Variants in WWOX observed in about 807,000 individuals in gnomAD.
WWOX encodes the protein WW domain containing oxidoreductase.
In WWOX, 69 loss-of-function variants were observed where a neutral mutation model predicts 46.2. That is an observed-to-expected ratio of 1.49 (90% CI 1.23 to 1.82). WWOX has a LOEUF of 1.82. Ranked by LOEUF, WWOX falls within the 40% of genes most tolerant of loss-of-function variation. The pLI is 0.00. For synonymous variants in WWOX, 359 were observed against 202.6 expected (o/e 1.77, Z -6.56); for missense variants, 919 against 542.6 (o/e 1.69, Z -6.89).
chr16:78,486,973 G>A (rs569148183), intron 8 of WWOX, among the ~76,000 whole-genome samples: 30 of 152,270 alleles, frequency 2.0e-4, no homozygotes, highest in Admixed American at 7.8e-4. Context: ...ACAATTTTCC[G>A]CTGGGGTGTG....
intron 8 of WWOX, among the ~76,000 whole-genome samples, chr16:78,702,890 G>A (rs1251959151): frequency 6.6e-6 from 1 of 152,136 alleles, no homozygotes; most frequent in Non-Finnish European, 1.5e-5. Flanking sequence ...CTGCAGGAGA[G>A]GGGGATTATA....
chr16:78,468,171 T>C (rs1381045823), intron 8 of WWOX, among the ~76,000 whole-genome samples: 1 of 152,160 alleles, frequency 6.6e-6, no homozygotes, highest in African/African-American at 2.4e-5. Context: ...GCTTTTACTA[T>C]TGTGTGGCTT....
intron 8 of WWOX, among the ~76,000 whole-genome samples, chr16:78,655,744 G>C (rs903208709): frequency 3.9e-5 from 6 of 152,242 alleles, no homozygotes; most frequent in South Asian, 2.1e-4. Flanking sequence ...AGAATTTTCT[G>C]ATATGTTCTT....
chr16:78,114,275 G>A (rs557323178), intron 3 of WWOX, among the ~76,000 whole-genome samples: 2 of 151,966 alleles, frequency 1.3e-5, no homozygotes, highest in African/African-American at 4.8e-5. Context: ...ATTTTGTTTA[G>A]TGTTTGTAGA....
At chr16:78,221,661 CT>C (rs1201238959) in intron 5 of WWOX, among the ~76,000 whole-genome samples, 20 of 152,262 alleles carry the variant, frequency 1.3e-4, no homozygotes, top group African/African-American at 4.8e-4. Flanking sequence ...ACCGAGGTTG[CT>C]AATTAATGAC....
chr16:78,660,666 T>G (rs2142170362), intron 8 of WWOX, among the ~76,000 whole-genome samples: 2 of 152,244 alleles, frequency 1.3e-5, no homozygotes, highest in African/African-American at 4.8e-5. Flanking sequence ...AGGATAAACG[T>G]TTCAGACCTT....
intron 5 of WWOX, among the ~76,000 whole-genome samples, chr16:78,344,702 G>T (rs1663720959): frequency 1.6e-5 from 2 of 121,846 alleles, no homozygotes; most frequent in South Asian, 2.5e-4. Context: ...CATTTGAAGG[G>T]AAGGAATTGA....
In WWOX at chr16:78,414,217, C is replaced by G. The variant is rs541201376; in HGVS notation, c.606-10653C>G. 2.6e-5 allele frequency among the ~76,000 whole-genome samples: 4 copies of G among 152,216 alleles called. No individual in the cohort carries two copies. The East Asian group carries it at 5.8e-4, about 22-fold the overall frequency. On this transcript the variant is annotated intron_variant, in intron 6 of 8. Coordinates refer to ENST00000566780, the MANE Select transcript of WWOX (RefSeq NM_016373.4). ...CAAATCCTGTAAAACTGCCCTACAC[C>G]TATTTCCCTTTGCTGACCCCTTTTT...
intron 5 of WWOX, among the ~76,000 whole-genome samples, chr16:78,201,472 A>T (rs2036227615): frequency 6.6e-6 from 1 of 152,212 alleles, no homozygotes; most frequent in Non-Finnish European, 1.5e-5. Flanking sequence ...GCAAAACCAA[A>T]TAAATGAGTA....
chr16:78,737,831 T>A lies in WWOX; in HGVS notation c.1056+305079T>A, dbSNP rs180815478. Among the ~76,000 whole-genome samples the A allele has an allele frequency of 2.2e-3, 342 of 152,186 alleles. 2 individuals carry two copies. Among genetic ancestry groups the A allele is most frequent in the African/African-American group, 7.8e-3 (323 of 41,538 alleles). On this transcript the variant is annotated intron_variant, in intron 8 of 8. Coordinates refer to ENST00000566780, the MANE Select transcript of WWOX (RefSeq NM_016373.4). ...GAAGAGAAGCCTGTAAACTCTGGAG[T>A]GTGTCCTGGGTGGTTTGTCCTTGGG...
At chr16:79,154,092 C>G (rs148649196) in intron 8 of WWOX, among the ~76,000 whole-genome samples, 28 of 152,286 alleles carry the variant, frequency 1.8e-4, no homozygotes, top group African/African-American at 6.3e-4. Context: ...GTGGATGCAT[C>G]ATGGATAGTC....
chr16:78,757,077 C>T, intron 8 of WWOX: 1 of 700,194 alleles, frequency 1.4e-6, no homozygotes, highest in Non-Finnish European at 2.6e-6. Context: ...GTGATTGCAG[C>T]CTTTGCTGCA....
At chr16:78,357,578 A>T (rs1351868592) in intron 5 of WWOX, among the ~76,000 whole-genome samples, 1 of 152,206 alleles carries the variant, frequency 6.6e-6, no homozygotes, top group Non-Finnish European at 1.5e-5. Context: ...GGTCTGGGAC[A>T]CATTTGTGGG....
At chr16:78,884,511 C>A (rs1280809789) in intron 8 of WWOX, among the ~76,000 whole-genome samples, 1 of 151,954 alleles carries the variant, frequency 6.6e-6, no homozygotes, top group East Asian at 1.9e-4. Context: ...TACTCACCAA[C>A]AAGAATGAAT....
intron 8 of WWOX, among the ~76,000 whole-genome samples, chr16:78,993,960 G>A (rs1304122734): frequency 6.6e-6 from 1 of 152,148 alleles, no homozygotes; most frequent in Non-Finnish European, 1.5e-5. Flanking sequence ...ATTGTTCCCT[G>A]GGCAAGCCAA....
intron 8 of WWOX, among the ~76,000 whole-genome samples, chr16:79,028,281 C>G (rs2047685606): frequency 1.3e-5 from 2 of 151,788 alleles, no homozygotes; most frequent in Admixed American, 6.6e-5. Flanking sequence ...TAATACCTGG[C>G]CCAGTGTCTG....
intron 5 of WWOX, among the ~76,000 whole-genome samples, chr16:78,196,146 A>C (rs920446746): frequency 6.6e-6 from 1 of 152,228 alleles, no homozygotes; most frequent in African/African-American, 2.4e-5. Flanking sequence ...TCTTGAAATA[A>C]TCTACCTTTA....
intron 8 of WWOX, among the ~76,000 whole-genome samples, chr16:78,945,338 A>C (rs923623260): frequency 6.6e-6 from 1 of 152,206 alleles, no homozygotes; most frequent in East Asian, 1.9e-4. Context: ...TTAAATGTAT[A>C]ATCTCAAACT....
intron 6 of WWOX, among the ~76,000 whole-genome samples, chr16:78,403,731 G>C (rs1033681121): frequency 1.3e-5 from 2 of 152,258 alleles, no homozygotes; most frequent in Non-Finnish European, 2.9e-5. Context: ...GGAAAGCATA[G>C]TCAAAGACAA....
Sources: gnomAD v4.1 joint callset for allele counts (sites outside exome capture counted in the v4.1 genomes callset) on GRCh38, gnomAD v4.1.1 for gene constraint, MANE v1.5 for transcripts, NCBI Gene and HGNC (gene_info 2026-07-23, HGNC 2026-07-21) for gene names.